The following PKN2 variants were observed in gnomAD, a reference collection of about 807,000 sequenced individuals.
The protein encoded by PKN2 is serine/threonine-protein kinase N2.
Under a neutral mutation model 119.1 loss-of-function variants are expected in PKN2, and 38 were observed. The observed-to-expected ratio is 0.32, with a 90% CI of 0.25 to 0.42. PKN2 has a LOEUF of 0.42. Among genes scored for constraint, PKN2 ranks in the 10% least tolerant of loss-of-function variants. The pLI, the probability that PKN2 is intolerant of heterozygous loss-of-function variation, is 1.00. For missense variants in PKN2, 850 were observed against 1,165.1 expected, an observed-to-expected ratio of 0.73 and a Z score of 3.94; for synonymous variants, 390 against 384.9, an observed-to-expected ratio of 1.01 and a Z score of -0.15.
chr1:88,729,562 G>A (rs1227495040), intron 1 of PKN2, among the ~76,000 whole-genome samples: 1 of 152,160 alleles, frequency 6.6e-6, no homozygotes, highest in Non-Finnish European at 1.5e-5. Flanking sequence ...CGTCTTCCAT[G>A]TTGTCTCTCT....
chr1:88,748,519 A>G (rs1297220534), intron 2 of PKN2, among the ~76,000 whole-genome samples: 3 of 152,184 alleles, frequency 2.0e-5, no homozygotes, highest in Admixed American at 1.3e-4. Context: ...ATTTTTGGCA[A>G]TTATCAGTAA....
chr1:88,740,948 C>T lies in PKN2; in HGVS notation c.49-40C>T, dbSNP rs767693830. The T allele has an allele frequency of 4.3e-6, 6 of 1,398,758 alleles. No homozygotes were observed. In the South Asian group the frequency reaches 8.5e-5, roughly 20 times the overall value. 86.6% of individuals were successfully genotyped at this position (1,398,758 alleles called of 1,614,324 possible). A position where few individuals can be genotyped will look rare whatever the true frequency, so the allele number is the denominator to read the frequency against. On this transcript the variant is annotated intron_variant, in intron 1 of 21. Transcript: ENST00000370521. ...CTGCATATTTACTGAGCAGCCAACT[C>T]TCCTAAACTCCCACATTTGTATGTT...
intron 2 of PKN2, among the ~76,000 whole-genome samples, chr1:88,751,457 C>G (rs1034807204): frequency 2.0e-5 from 3 of 151,930 alleles, no homozygotes; most frequent in African/African-American, 7.3e-5. Context: ...ACAGGGTTGT[C>G]CTTTGCATGA....
At chr1:88,690,691 A>G (rs1355685210) in intron 1 of PKN2, among the ~76,000 whole-genome samples, 1 of 152,192 alleles carries the variant, frequency 6.6e-6, no homozygotes, top group African/African-American at 2.4e-5. Context: ...TAGCTCTATT[A>G]TCATACTTGG....
chr1:88,722,807 G>A (rs1284656895), intron 1 of PKN2, among the ~76,000 whole-genome samples: 3 of 151,242 alleles, frequency 2.0e-5, no homozygotes, highest in African/African-American at 7.3e-5. Flanking sequence ...AAAAAGAAAC[G>A]AAAAAAATTA....
At chr1:88,687,021 A>C (rs1236830731) in intron 1 of PKN2, among the ~76,000 whole-genome samples, 1 of 152,104 alleles carries the variant, frequency 6.6e-6, no homozygotes, top group Non-Finnish European at 1.5e-5. Flanking sequence ...TTTACTCTGA[A>C]AGTTACATAT....
chr1:88,833,395 G>A lies in PKN2; in HGVS notation c.2902G>A (p.Glu968Lys). The change falls in exon 22 of 22, where the codon GAA becomes AAA. Residue 968 changes from glutamate to lysine, a missense_variant. By Grantham distance (56) the Glu-to-Lys change is moderately conservative. Transcript: ENST00000370521. ...ACCTCGAGAACCAAGGATACTTTCG[G>A]AAGAGGAGCAGGAAATGTTCAGAGA... ...TPPREPRILS[E>K]EEQEMFRDFD... The A allele has an allele frequency of 6.2e-7, 1 of 1,613,396 alleles. No homozygotes were observed. Among genetic ancestry groups the A allele is most frequent in the South Asian group, 1.1e-5 (1 of 91,056 alleles).
intron 6 of PKN2, among the ~76,000 whole-genome samples, chr1:88,782,396 T>C (rs1670381670): frequency 6.6e-6 from 1 of 152,066 alleles, no homozygotes; most frequent in African/African-American, 2.4e-5. Flanking sequence ...TTTTTTCTAA[T>C]ACATTTTGTG....
chr1:88,777,069 CT>C (rs773881208), intron 6 of PKN2, among the ~76,000 whole-genome samples: 42 of 152,192 alleles, frequency 2.8e-4, no homozygotes, highest in Admixed American at 5.9e-4. Context: ...TATGGTATTT[CT>C]CTTAGACTCT....
rs1672902900 is a variant in PKN2, at chr1:88,835,445, C to G, written c.*1997C>G. On this transcript the variant is annotated 3_prime_UTR_variant, in exon 22 of 22. Coordinates refer to ENST00000370521, the MANE Select transcript of PKN2 (RefSeq NM_006256.4). ...ATTAAAAACTGACAGCATTTCGTAA[C>G]TACACAGTGTACAGAATTTTTTTTT... 6.6e-6 allele frequency: 1 copy of G among 151,864 alleles called. No homozygotes were observed. Among genetic ancestry groups the G allele is most frequent in the South Asian group, 2.1e-4 (1 of 4,830 alleles). 9.4% of individuals were successfully genotyped at this position (151,864 alleles called of 1,614,324 possible).
At chr1:88,730,134 C>T (rs1413489783) in intron 1 of PKN2, among the ~76,000 whole-genome samples, 2 of 151,314 alleles carry the variant, frequency 1.3e-5, no homozygotes, top group Admixed American at 6.6e-5. Flanking sequence ...CACTGCACTC[C>T]AGCCTGGGCG....
chr1:88,763,335 TG>T (rs1557594760), intron 3 of PKN2, among the ~76,000 whole-genome samples: 1 of 152,128 alleles, frequency 6.6e-6, no homozygotes. Flanking sequence ...CGGCCACATG[TG>T]GTGACTCACG....
intron 1 of PKN2, among the ~76,000 whole-genome samples, chr1:88,694,650 T>C (rs1666463636): frequency 6.6e-6 from 1 of 152,152 alleles, no homozygotes; most frequent in Non-Finnish European, 1.5e-5. Context: ...AATTGTATGG[T>C]AAGAATATAT....
At chr1:88,805,109 G>A (rs926809894) in intron 10 of PKN2, among the ~76,000 whole-genome samples, 188 bp downstream of exon 10, 8 of 151,828 alleles carry the variant, frequency 5.3e-5, no homozygotes, top group Non-Finnish European at 1.0e-4. Context: ...ACAGTCACCC[G>A]GCTTCAACAA....
chr1:88,778,745 G>A (rs1316641876), intron 6 of PKN2, among the ~76,000 whole-genome samples: 2 of 150,444 alleles, frequency 1.3e-5, no homozygotes, highest in South Asian at 4.2e-4. Flanking sequence ...ACAGAGTCTC[G>A]CTCTGTTGCC....
At chr1:88,747,629 A>G (rs1333054105) in intron 2 of PKN2, among the ~76,000 whole-genome samples, 1 of 152,108 alleles carries the variant, frequency 6.6e-6, no homozygotes, top group Admixed American at 6.5e-5. Context: ...TATTTTATTA[A>G]GTATAGATAA....
intron 3 of PKN2, among the ~76,000 whole-genome samples, chr1:88,769,280 G>C (rs928110275): frequency 1.3e-5 from 2 of 152,108 alleles, no homozygotes; most frequent in Non-Finnish European, 2.9e-5. Flanking sequence ...ACATTAAAGT[G>C]TTTCTAGGGA....
chr1:88,819,730 T>C (rs1441603551), intron 16 of PKN2, among the ~76,000 whole-genome samples: 1 of 152,122 alleles, frequency 6.6e-6, no homozygotes, highest in African/African-American at 2.4e-5. Context: ...GGAGCACTGT[T>C]CACAATAGCA....
chr1:88,778,020 C>G (rs775862850), intron 6 of PKN2, among the ~76,000 whole-genome samples: 8 of 152,190 alleles, frequency 5.3e-5, no homozygotes, highest in Non-Finnish European at 7.3e-5. Flanking sequence ...TAAACTCTTT[C>G]TACCAGTTGC....
Sources: allele counts gnomAD v4.1 joint callset (sites outside exome capture counted in the v4.1 genomes callset), GRCh38; gene constraint gnomAD v4.1.1; transcripts MANE v1.5; gene names NCBI Gene and HGNC (gene_info 2026-07-23, HGNC 2026-07-21).